SORCS3: variants seen among roughly 807,000 people sequenced by gnomAD.
The protein encoded by SORCS3 is VPS10 domain-containing receptor SorCS3.
In SORCS3, 57 loss-of-function variants were observed where a neutral mutation model predicts 146.3. The observed-to-expected ratio is 0.39, with a 90% confidence interval of 0.31 to 0.49. The LOEUF (loss-of-function observed/expected upper bound fraction) is 0.49, where lower values mean the gene tolerates loss of function less well. Ranked by LOEUF, SORCS3 falls within the 20% of genes least tolerant of loss-of-function variation. The pLI is 0.92. For missense variants in SORCS3, 1,341 were observed against 1,575.5 expected (o/e 0.85, Z 2.52); for synonymous variants, 653 against 618.5 (o/e 1.06, Z -0.83).
chr10:104,975,414 T>G (rs1437712169), intron 3 of SORCS3, among the ~76,000 whole-genome samples: 1 of 151,986 alleles, frequency 6.6e-6, no homozygotes, highest in Non-Finnish European at 1.5e-5. Context: ...TAAAAGAGGA[T>G]ACAAAGAAAT....
Position 104,785,626 on chromosome 10 carries a change from G to T in SORCS3, c.628-57166G>T, listed in dbSNP as rs550413180. ...AATGTGCTTGCTGTCAAGCACAAGA[G>T]TGTTTCTGGGATAGGGATTCTTTAA... On this transcript the variant is annotated intron_variant, in intron 1 of 26. Coordinates refer to ENST00000369701, the MANE Select transcript of SORCS3 (RefSeq NM_014978.3). Among the ~76,000 whole-genome samples the T allele has an allele frequency of 5.9e-5, 9 of 152,218 alleles. No individual in the cohort carries two copies. In the South Asian group the frequency reaches 1.9e-3, roughly 32 times the overall value.
At chr10:104,779,943 C>T (rs1322545194) in intron 1 of SORCS3, among the ~76,000 whole-genome samples, 1 of 152,150 alleles carries the variant, frequency 6.6e-6, no homozygotes, top group East Asian at 1.9e-4. Context: ...GAGACGTGCA[C>T]ATCATTAACC....
At chr10:105,046,868 A>G (rs1564741978) in intron 5 of SORCS3, among the ~76,000 whole-genome samples, 1 of 152,066 alleles carries the variant, frequency 6.6e-6, no homozygotes, top group Admixed American at 6.6e-5. Flanking sequence ...GGTAATCACC[A>G]GGGCTGTCTA....
chr10:105,130,199 A>G (rs1414901956), intron 7 of SORCS3, among the ~76,000 whole-genome samples: 1 of 152,138 alleles, frequency 6.6e-6, no homozygotes, highest in Non-Finnish European at 1.5e-5. Flanking sequence ...AGGTTAAATT[A>G]CTTGTACAAG....
chr10:105,074,607 G>C (rs1564747888), intron 5 of SORCS3, among the ~76,000 whole-genome samples: 1 of 152,204 alleles, frequency 6.6e-6, no homozygotes, highest in Non-Finnish European at 1.5e-5. Flanking sequence ...TACCCTTGGG[G>C]CTACTATGGT....
Position 105,214,434 on chromosome 10 carries a change from C to A in SORCS3, c.2376-8C>A, listed in dbSNP as rs1385819338. 1 of 1,613,956 alleles carries A rather than the reference C, an allele frequency of 6.2e-7. No homozygotes were observed. On this transcript the variant is annotated splice_polypyrimidine_tract_variant and splice_region_variant and intron_variant, in intron 17 of 26. Coordinates refer to ENST00000369701, the MANE Select transcript of SORCS3 (RefSeq NM_014978.3). ...CACAAACCACTATCAATTGTCAATT[C>A]TACTTAGGTATCGGCGGATTGTGTC...
At chr10:104,887,618 C>A (rs746054923) in intron 2 of SORCS3, among the ~76,000 whole-genome samples, 1 of 152,088 alleles carries the variant, frequency 6.6e-6, no homozygotes, top group African/African-American at 2.4e-5. Flanking sequence ...GTTGGGTGCT[C>A]ACCCTGCGAT....
chr10:104,702,678 G>A (rs2016294880), intron 1 of SORCS3, among the ~76,000 whole-genome samples: 1 of 152,138 alleles, frequency 6.6e-6, no homozygotes. Flanking sequence ...CTGTACTCAG[G>A]GGCCTGATTT....
intron 2 of SORCS3, among the ~76,000 whole-genome samples, chr10:104,851,284 A>T (rs2018271542): frequency 1.3e-5 from 2 of 152,038 alleles, no homozygotes; most frequent in African/African-American, 2.4e-5. Flanking sequence ...ATAAATCTTG[A>T]TTTTTGGCCA....
intron 21 of SORCS3, among the ~76,000 whole-genome samples, chr10:105,246,270 C>T (rs995967633): frequency 3.9e-5 from 6 of 152,188 alleles, no homozygotes; most frequent in Admixed American, 1.3e-4. Flanking sequence ...TTCACACAAC[C>T]TCTCCCAGGT....
intron 1 of SORCS3, among the ~76,000 whole-genome samples, chr10:104,834,981 T>A (rs1209079103): frequency 6.6e-6 from 1 of 152,124 alleles, no homozygotes; most frequent in Non-Finnish European, 1.5e-5. Flanking sequence ...AGAAAGGGGT[T>A]AACAGTTTTG....
intron 2 of SORCS3, among the ~76,000 whole-genome samples, chr10:104,878,997 T>C (rs2018604667): frequency 6.6e-6 from 1 of 152,148 alleles, no homozygotes; most frequent in South Asian, 2.1e-4. Context: ...GTTCTCAGGG[T>C]CAGATTTGTG....
chr10:104,705,643 G>A lies in SORCS3; in HGVS notation c.627+63689G>A, dbSNP rs147227352. ...CTGTAAACACATACCTCAGTTGTGG[G>A]AGAAGCAGTGCTTGTGTATATGAGA... is the stretch of plus-strand genomic sequence containing the variant. On this transcript the variant is annotated intron_variant, in intron 1 of 26. Coordinates refer to ENST00000369701, the MANE Select transcript of SORCS3 (RefSeq NM_014978.3). Among the ~76,000 whole-genome samples the A allele has an allele frequency of 6.6e-5, 10 of 152,304 alleles. No individual in the cohort carries two copies. The South Asian group carries it at 1.9e-3, about 28-fold the overall frequency.
chr10:104,753,344 G>A (rs150843706), intron 1 of SORCS3, among the ~76,000 whole-genome samples: 9 of 152,160 alleles, frequency 5.9e-5, no homozygotes, highest in South Asian at 2.1e-4. Flanking sequence ...TTGAATGTTC[G>A]TGTCAAGAAA....
At chr10:105,132,608 A>T (rs1215826672) in intron 7 of SORCS3, among the ~76,000 whole-genome samples, 1 of 152,196 alleles carries the variant, frequency 6.6e-6, no homozygotes, top group Non-Finnish European at 1.5e-5. Flanking sequence ...AAATGAAAAA[A>T]TAAAGGATCT....
intron 20 of SORCS3, among the ~76,000 whole-genome samples, chr10:105,240,402 C>T (rs1256345795): frequency 1.3e-5 from 2 of 152,114 alleles, no homozygotes; most frequent in African/African-American, 4.8e-5. Context: ...TGAGAAATAG[C>T]TGAAGGCAGT....
chr10:105,064,786 C>T (rs899956990), intron 5 of SORCS3, among the ~76,000 whole-genome samples: 1 of 149,008 alleles, frequency 6.7e-6, no homozygotes, highest in African/African-American at 2.4e-5. Flanking sequence ...TCTCTCCAGG[C>T]CCCCAGCCCA....
chr10:105,229,509 G>A (rs2056754970), intron 20 of SORCS3, among the ~76,000 whole-genome samples: 1 of 152,104 alleles, frequency 6.6e-6, no homozygotes, highest in Admixed American at 6.5e-5. Flanking sequence ...GCTTTTGTAG[G>A]GAGGGACTTT....
intron 5 of SORCS3, among the ~76,000 whole-genome samples, chr10:105,056,491 G>C (rs59644304): frequency 6.6e-6 from 1 of 152,176 alleles, no homozygotes; most frequent in African/African-American, 2.4e-5. Flanking sequence ...TGCCAGATAA[G>C]TGGTTTGGAC....
Sources: gnomAD v4.1 joint callset for allele counts (sites outside exome capture counted in the v4.1 genomes callset) on GRCh38, gnomAD v4.1.1 for gene constraint, MANE v1.5 for transcripts, NCBI Gene and HGNC (gene_info 2026-07-23, HGNC 2026-07-21) for gene names.